Variants in ZSWIM5 observed in about 807,000 individuals in gnomAD.
The protein encoded by ZSWIM5 is zinc finger SWIM domain-containing protein 5.
A neutral mutation model predicts 119.6 loss-of-function variants in ZSWIM5; 55 were observed. The observed-to-expected ratio is 0.46, with a 90% CI of 0.37 to 0.58. ZSWIM5 has a LOEUF of 0.58. Ranked by LOEUF, ZSWIM5 falls within the 20% of genes least tolerant of loss-of-function variation. The pLI, the probability that ZSWIM5 is intolerant of heterozygous loss-of-function variation, is 0.00. For missense variants in ZSWIM5, 1,193 were observed against 1,512.8 expected, an observed-to-expected ratio of 0.79 and a Z score of 3.51; for synonymous variants, 537 against 606.9, an observed-to-expected ratio of 0.88 and a Z score of 1.69.
intron 1 of ZSWIM5, among the ~76,000 whole-genome samples, chr1:45,131,606 C>A (rs1645657012): frequency 6.6e-6 from 1 of 151,722 alleles, no homozygotes; most frequent in African/African-American, 2.4e-5. Context: ...GTACCCATAG[C>A]CCCAGCTACT....
At chr1:45,020,911 C>A in intron 11 of ZSWIM5, 123 bp from the exon 12 acceptor site, 2 of 1,201,312 alleles carry the variant, frequency 1.7e-6, no homozygotes, top group Non-Finnish European at 2.4e-6. Flanking sequence ...AATGCTACCG[C>A]CCCTTCTGGG....
At chr1:45,190,759 A>C (rs1267820980) in intron 1 of ZSWIM5, among the ~76,000 whole-genome samples, 1 of 151,976 alleles carries the variant, frequency 6.6e-6, no homozygotes, top group Non-Finnish European at 1.5e-5. Context: ...AATGCAACAC[A>C]CTTACTAGGG....
intron 11 of ZSWIM5, among the ~76,000 whole-genome samples, chr1:45,031,428 C>G (rs528865645): frequency 2.0e-5 from 3 of 151,428 alleles, no homozygotes; most frequent in African/African-American, 7.3e-5. Flanking sequence ...AAGTGATCTG[C>G]CTTCCTTGGC....
At chr1:45,158,023 ATTGAG>A (rs1203215716) in intron 1 of ZSWIM5, among the ~76,000 whole-genome samples, 17 of 152,134 alleles carry the variant, frequency 1.1e-4, no homozygotes, top group African/African-American at 3.9e-4. Flanking sequence ...TCTTTTTATA[ATTGAG>A]TTGTTAGCAT....
intron 1 of ZSWIM5, among the ~76,000 whole-genome samples, chr1:45,108,034 G>T (rs956446167): frequency 6.6e-6 from 1 of 152,050 alleles, no homozygotes; most frequent in Non-Finnish European, 1.5e-5. Context: ...GAACTCAAGG[G>T]ATCCTCCTGC....
intron 1 of ZSWIM5, among the ~76,000 whole-genome samples, chr1:45,092,921 C>T (rs1392257104): frequency 6.6e-6 from 1 of 152,222 alleles, no homozygotes; most frequent in African/African-American, 2.4e-5. Context: ...TCACATAGGC[C>T]AATTCCTTGA....
At chr1:45,040,315 C>G in intron 7 of ZSWIM5, 77 bp downstream of exon 7, 1 of 1,414,782 alleles carries the variant, frequency 7.1e-7, no homozygotes, top group Non-Finnish European at 9.4e-7. Flanking sequence ...TTCCCTAGTT[C>G]TTCTGGGCCT....
intron 2 of ZSWIM5, among the ~76,000 whole-genome samples, chr1:45,071,421 A>G (rs1411631960): frequency 6.9e-6 from 1 of 145,908 alleles, no homozygotes; most frequent in Admixed American, 6.8e-5. Context: ...ATAACCTCCA[A>G]TTCCATCCAT....
intron 4 of ZSWIM5, among the ~76,000 whole-genome samples, chr1:45,056,292 G>C (rs556052932): frequency 4.5e-4 from 69 of 152,148 alleles, no homozygotes; most frequent in African/African-American, 1.6e-3. Context: ...TAAAATTTGA[G>C]ATCAAAGATA....
intron 1 of ZSWIM5, among the ~76,000 whole-genome samples, chr1:45,111,722 T>G (rs187352716): frequency 6.6e-6 from 1 of 152,252 alleles, no homozygotes; most frequent in African/African-American, 2.4e-5. Context: ...CAATCTGACA[T>G]TGAATCTCTT....
chr1:45,092,116 A>AAAATAACT (rs1645369415), intron 1 of ZSWIM5, among the ~76,000 whole-genome samples: 1 of 152,170 alleles, frequency 6.6e-6, no homozygotes, highest in East Asian at 1.9e-4. Flanking sequence ...AACTTTGCAT[A>AAAATAACT]TTATAGTTAT....
At chr1:45,021,041 CTT>C (rs112071546) in intron 11 of ZSWIM5, among the ~76,000 whole-genome samples, 3 of 145,506 alleles carry the variant, frequency 2.1e-5, no homozygotes, top group African/African-American at 2.5e-5. Flanking sequence ...CCTCAGGATC[CTT>C]TTTTTTTTTG....
chr1:45,045,078 ATCTCCCT>A (rs1401813472), intron 5 of ZSWIM5, among the ~76,000 whole-genome samples: 1 of 151,154 alleles, frequency 6.6e-6, no homozygotes, highest in Admixed American at 6.6e-5. Context: ...TTACCATGCC[ATCTCCCT>A]TCAGGAAAAG....
Position 45,206,305 on chromosome 1 carries a change from C to A in ZSWIM5, c.46G>T (p.Val16Phe). The change falls in exon 1 of 14, where the codon GTC (valine) becomes TTC (phenylalanine). Residue 16 changes from valine to phenylalanine, a missense_variant. Transcript: ENST00000359600. The part of the protein sequence containing the change: ...EREELLSPSP[V>F]SPAKRQCSWP... ...GAACACTGCCGCTTAGCCGGAGAGACCGGTGACGGCGAGAGCAGCTCCTCT... is the reference window on the plus strand; with the variant it reads ...GAACACTGCCGCTTAGCCGGAGAGAACGGTGACGGCGAGAGCAGCTCCTCT... The A allele has an allele frequency of 6.5e-7, 1 of 1,547,274 alleles. No homozygotes were observed. Among genetic ancestry groups the A allele is most frequent in the Non-Finnish European group, 8.7e-7 (1 of 1,147,108 alleles).
At chr1:45,156,424 C>T (rs1645827373) in intron 1 of ZSWIM5, among the ~76,000 whole-genome samples, 1 of 148,422 alleles carries the variant, frequency 6.7e-6, no homozygotes, top group Non-Finnish European at 1.5e-5. Context: ...TACATATGTA[C>T]CCCTGAATCT....
intron 1 of ZSWIM5, among the ~76,000 whole-genome samples, chr1:45,202,944 T>A (rs1209339659): frequency 6.6e-6 from 1 of 152,070 alleles, no homozygotes; most frequent in Non-Finnish European, 1.5e-5. Context: ...ACTATATCCA[T>A]GGGCTTCTGA....
intron 2 of ZSWIM5, among the ~76,000 whole-genome samples, chr1:45,086,003 G>C (rs141519970): frequency 1.3e-5 from 2 of 152,164 alleles, no homozygotes; most frequent in African/African-American, 4.8e-5. Flanking sequence ...AAATACCTGA[G>C]AATCGGTAAT....
At chr1:45,109,528 G>A (rs773398547) in intron 1 of ZSWIM5, among the ~76,000 whole-genome samples, 18 of 152,040 alleles carry the variant, frequency 1.2e-4, no homozygotes, top group Non-Finnish European at 2.5e-4. Context: ...GGCAGATCAC[G>A]AGGTCAGGAG....
intron 1 of ZSWIM5, among the ~76,000 whole-genome samples, chr1:45,121,060 C>T (rs1044358412): frequency 3.9e-5 from 6 of 152,152 alleles, no homozygotes; most frequent in African/African-American, 1.4e-4. Context: ...CGCCATTCTC[C>T]TGCCTTAGCC....
Sources: allele counts gnomAD v4.1 joint callset (sites outside exome capture counted in the v4.1 genomes callset), GRCh38; gene constraint gnomAD v4.1.1; transcripts MANE v1.5; gene names NCBI Gene and HGNC (gene_info 2026-07-23, HGNC 2026-07-21).